The following USH1C variants were observed in gnomAD, a reference collection of about 807,000 sequenced individuals.
The protein encoded by USH1C is harmonin.
A neutral mutation model predicts 119.3 loss-of-function variants in USH1C; 90 were observed. That is an observed-to-expected ratio of 0.75 (90% confidence interval 0.64 to 0.90). The LOEUF is 0.90. USH1C is among the 40% of genes least tolerant of loss of function. The pLI, the probability that USH1C is intolerant of heterozygous loss-of-function variation, is 0.00. For missense variants in USH1C, 1,165 were observed against 1,167.7 expected, an observed-to-expected ratio of 1.00 and a Z score of 0.03; for synonymous variants, 465 against 443.3, an observed-to-expected ratio of 1.05 and a Z score of -0.62.
intron 25 of USH1C, among the ~76,000 whole-genome samples, chr11:17,495,902 C>T (rs913172963): frequency 4.0e-5 from 6 of 150,340 alleles, no homozygotes; most frequent in Non-Finnish European, 5.9e-5. Context: ...GGAGGCAGGG[C>T]ATGGTCAGTG....
chr11:17,494,165 G>A lies in USH1C; in HGVS notation c.*167C>T, dbSNP rs1233327234. On this transcript the variant is annotated 3_prime_UTR_variant, in exon 27 of 27. Transcript: ENST00000005226. ...CTCCACGTTGGCCTTCAGAAGAGTG[G>A]CCCGAGCTGTTCCTTATCTGGCCCT... 7.3e-6 allele frequency: 6 copies of A among 821,564 alleles called. No homozygotes were observed. Among genetic ancestry groups the A allele is most frequent in the Non-Finnish European group, 1.2e-5 (6 of 494,772 alleles). The allele number at this position is 821,564 out of a possible 1,614,324, so 50.9% of individuals were successfully genotyped here. A position where few individuals can be genotyped will look rare whatever the true frequency, so the allele number is the denominator to read the frequency against.
At chr11:17,521,751 C>T (rs558594077) in intron 12 of USH1C, among the ~76,000 whole-genome samples, 6 of 152,320 alleles carry the variant, frequency 3.9e-5, no homozygotes, top group Admixed American at 1.3e-4. Context: ...AAAGCAGGGG[C>T]TCCTAGCCAG....
intron 12 of USH1C, 31 bp from the exon 13 acceptor site, chr11:17,521,442 G>C (rs757480491): frequency 6.2e-7 from 1 of 1,609,052 alleles, no homozygotes; most frequent in Non-Finnish European, 8.5e-7. Flanking sequence ...GGCATGTTTG[G>C]CCCTATGCAA....
intron 18 of USH1C, among the ~76,000 whole-genome samples, chr11:17,508,318 T>C (rs745861284): frequency 3.3e-5 from 5 of 152,206 alleles, no homozygotes; most frequent in Non-Finnish European, 7.4e-5. Flanking sequence ...GCTTCAGCCT[T>C]GCTGGCATCT....
chr11:17,514,252 T>C (rs1056611360), intron 15 of USH1C, among the ~76,000 whole-genome samples: 2 of 152,224 alleles, frequency 1.3e-5, no homozygotes, highest in African/African-American at 4.8e-5. Context: ...AGGGTCCTGC[T>C]CTGTCACCCA....
chr11:17,529,030 C>T lies in USH1C; in HGVS notation c.388-1699G>A, dbSNP rs117557042. Reference sequence around the variant, plus strand: ...GGATTTGAAGTCAGGTCTCCCTGATCGACAAGTGGTGTCTCTTGGGTGTCT... The same window carrying T: ...GGATTTGAAGTCAGGTCTCCCTGATTGACAAGTGGTGTCTCTTGGGTGTCT... On this transcript the variant is annotated intron_variant, in intron 4 of 26. Coordinates refer to ENST00000005226, the MANE Select transcript of USH1C (RefSeq NM_153676.4). Among the ~76,000 whole-genome samples the T allele has an allele frequency of 4.4e-3, 665 of 152,302 alleles. 6 individuals are homozygous for T. The highest frequency in any genetic ancestry group is 0.03 in the East Asian group (153 of 5,180).
In USH1C at chr11:17,523,460, C is replaced by A. The variant is rs369461618; in HGVS notation, c.778G>T (p.Glu260Ter). ...TTAGAGAAGTCGACGCCATTGACTT[C>A]GACAATCTGGTCCCCTATCTGGTGG... ...VGLEIGDQIV[E>*]VNGVDFSNLD... Residue 260 changes from glutamate (E) to a stop codon, truncating the protein, a stop_gained, in exon 10 of 27, where the codon GAA becomes TAA. Coordinates refer to ENST00000005226, the MANE Select transcript of USH1C (RefSeq NM_153676.4). LOFTEE classifies it high-confidence loss of function. 6.2e-7 allele frequency: 1 copy of A among 1,614,098 alleles called. No homozygotes were observed.
intron 15 of USH1C, among the ~76,000 whole-genome samples, chr11:17,515,280 G>A (rs1195690101): frequency 6.6e-6 from 1 of 152,194 alleles, no homozygotes; most frequent in Non-Finnish European, 1.5e-5. Context: ...TTTATTCAAT[G>A]CTATACAAAT....
At chr11:17,504,513 C>G (rs1013205299) in intron 20 of USH1C, 134 bp downstream of exon 20, 1 of 982,656 alleles carries the variant, frequency 1.0e-6, no homozygotes, top group Non-Finnish European at 1.6e-6. Flanking sequence ...GGACACAGCT[C>G]TGGCCTGAGG....
chr11:17,502,718 G>T (rs1315491092), intron 20 of USH1C, among the ~76,000 whole-genome samples: 1 of 152,228 alleles, frequency 6.6e-6, no homozygotes, highest in Non-Finnish European at 1.5e-5. Flanking sequence ...ACAAGACAGT[G>T]AGGTGGCACC....
chr11:17,497,398 CT>C (rs1166461329), intron 24 of USH1C, among the ~76,000 whole-genome samples: 1 of 152,192 alleles, frequency 6.6e-6, no homozygotes, highest in East Asian at 1.9e-4. Context: ...AAATCTCTCT[CT>C]CTTTCCCCAG....
At chr11:17,535,470 A>G (rs2237959) in intron 1 of USH1C, among the ~76,000 whole-genome samples, 64,825 of 151,838 alleles carry the variant, frequency 0.43, 13,895 homozygotes, top group East Asian at 0.53. Context: ...GATCGACTAC[A>G]ATTTGTAATT....
chr11:17,504,760 T>C, intron 19 of USH1C, 63 bp from the exon 20 acceptor site: 1 of 1,566,726 alleles, frequency 6.4e-7, no homozygotes, highest in Non-Finnish European at 8.7e-7. Context: ...GGCTGCCCCC[T>C]GGTGCCAGGC....
chr11:17,511,758 C>A, intron 16 of USH1C, 144 bp downstream of exon 16: 1 of 973,802 alleles, frequency 1.0e-6, no homozygotes, highest in South Asian at 1.7e-5. Flanking sequence ...ATCTCTCTCT[C>A]CAGGCTGGGG....
chr11:17,521,511 C>T (rs945810869), intron 12 of USH1C, 100 bp from the exon 13 acceptor site: 1 of 1,274,256 alleles, frequency 7.8e-7, no homozygotes, highest in Middle Eastern at 1.8e-4. Context: ...GGATTTTTCT[C>T]CAGGCTCCCT....
chr11:17,527,538 G>A (rs929034627), intron 4 of USH1C, among the ~76,000 whole-genome samples: 6 of 151,756 alleles, frequency 4.0e-5, no homozygotes, highest in Admixed American at 1.3e-4. Flanking sequence ...CAGTCTTGTC[G>A]CCCCATTTTA....
intron 1 of USH1C, among the ~76,000 whole-genome samples, chr11:17,536,902 G>C (rs1412416788): frequency 1.3e-5 from 2 of 152,188 alleles, no homozygotes; most frequent in Non-Finnish European, 2.9e-5. Context: ...GAATCTAAGT[G>C]ATAGATCATC....
Position 17,506,003 on chromosome 11 carries a change from G to A in USH1C, c.2014-54C>T, listed in dbSNP as rs924027684. On this transcript the variant is annotated intron_variant, in intron 18 of 26. Transcript: ENST00000005226. Reference sequence around the variant, plus strand: ...GTGAGGTCATGGTGGGGTGGCCAAGGCCAGCCATGCTACTTCTACACACAT... The same window carrying A: ...GTGAGGTCATGGTGGGGTGGCCAAGACCAGCCATGCTACTTCTACACACAT... The A allele has an allele frequency of 7.4e-6, 12 of 1,612,920 alleles. No homozygotes were observed. In the African/African-American group the frequency reaches 9.3e-5, roughly 13 times the overall value.
Position 17,522,786 on chromosome 11 carries a change from C to T in USH1C, c.1017G>A (p.Arg339=), listed in dbSNP as rs761886944. The change falls in exon 12 of 27, where the codon CGG becomes CGA. Residue 339 remains arginine (R), a splice_region_variant and synonymous_variant. Transcript: ENST00000005226. ...CATCCAGGGCTGGCTGCACTCACTGCCGCTCCATCTCCTGCTGCTCCTGGA... is the reference window on the plus strand; with the variant it reads ...CATCCAGGGCTGGCTGCACTCACTGTCGCTCCATCTCCTGCTGCTCCTGGA... ...KILQEQQEME[R]QRRKEIAQKA... The T allele has an allele frequency of 1.9e-6, 3 of 1,613,804 alleles. No homozygotes were observed. Among genetic ancestry groups the T allele is most frequent in the African/African-American group, 1.3e-5 (1 of 74,900 alleles).
Sources: gnomAD v4.1 joint callset for allele counts (sites outside exome capture counted in the v4.1 genomes callset) on GRCh38, gnomAD v4.1.1 for gene constraint, MANE v1.5 for transcripts, NCBI Gene and HGNC (gene_info 2026-07-23, HGNC 2026-07-21) for gene names.